The following NANOGNB variants were observed in gnomAD, a reference collection of about 807,000 sequenced individuals.
The protein encoded by NANOGNB is NANOG neighbor homeobox, also known as homeobox C14.
A neutral mutation model predicts 25.0 loss-of-function variants in NANOGNB; 30 were observed. That is an observed-to-expected ratio of 1.20 (90% confidence interval 0.90 to 1.63). NANOGNB has a LOEUF of 1.63. Ranked by LOEUF, NANOGNB falls within the 40% of genes most tolerant of loss-of-function variation. NANOGNB has a pLI of 0.00. For synonymous variants in NANOGNB, 84 were observed against 62.1 expected (o/e 1.35, Z -1.66); for missense variants, 200 against 188.1 (o/e 1.06, Z -0.37).
chr12:7,766,886 G>T (rs775652752), intron 1 of NANOGNB, among the ~76,000 whole-genome samples: 2 of 152,132 alleles, frequency 1.3e-5, no homozygotes, highest in Non-Finnish European at 2.9e-5. Flanking sequence ...TGTTGCCCAG[G>T]CTGGAGCACA....
At chr12:7,766,039 C>T (rs1443225564) in intron 1 of NANOGNB, 4 of 397,860 alleles carry the variant, frequency 1.0e-5, no homozygotes, top group Non-Finnish European at 1.3e-5. Context: ...AGAGGAGCAA[C>T]AAAGAAAGCT....
chr12:7,769,894 A>G, intron 1 of NANOGNB, 89 bp from the exon 2 acceptor site: 1 of 991,566 alleles, frequency 1.0e-6, no homozygotes, highest in Non-Finnish European at 1.5e-6. Context: ...GAAAAATCAA[A>G]TATATTCTCC....
intron 1 of NANOGNB, among the ~76,000 whole-genome samples, chr12:7,767,193 G>A (rs2120511225): frequency 6.6e-6 from 1 of 152,126 alleles, no homozygotes; most frequent in Admixed American, 6.6e-5. Flanking sequence ...ACTCTGAAGA[G>A]GAATGTGTGG....
chr12:7,769,024 T>G (rs779161995), intron 1 of NANOGNB, among the ~76,000 whole-genome samples: 24 of 152,106 alleles, frequency 1.6e-4, no homozygotes, highest in Non-Finnish European at 2.8e-4. Context: ...TCCAATCAGT[T>G]AAGGCTTTAA....
At chr12:7,771,492 T>A (rs903227503) in intron 3 of NANOGNB, among the ~76,000 whole-genome samples, 1 of 152,180 alleles carries the variant, frequency 6.6e-6, no homozygotes, top group Non-Finnish European at 1.5e-5. Flanking sequence ...GTGCTGGGAT[T>A]ACAGGCGTGA....
intron 3 of NANOGNB, among the ~76,000 whole-genome samples, chr12:7,773,546 C>CA (rs869038102): frequency 0.026 from 397 of 15,440 alleles, 75 homozygotes; most frequent in African/African-American, 0.075. Context: ...ACTAAAAATA[C>CA]AAAAAAAAAA....
At chr12:7,772,863 C>G (rs1466216109) in intron 3 of NANOGNB, among the ~76,000 whole-genome samples, 2 of 152,076 alleles carry the variant, frequency 1.3e-5, no homozygotes, top group East Asian at 3.9e-4. Context: ...CAGGCATGAG[C>G]CACTGCACCC....
Position 7,765,250 on chromosome 12 carries a change from C to G in NANOGNB, c.-36C>G, listed in dbSNP as rs1865234378. On this transcript the variant is annotated 5_prime_UTR_variant, in exon 1 of 4. Coordinates refer to ENST00000382119, the MANE Select transcript of NANOGNB (RefSeq NM_001145465.1). ...ATCTGGTCGGTCATCTCTGTAACCT[C>G]CCTACCAAGGACTAATTGGTCTTTA... 1 of 1,288,682 alleles carries G rather than the reference C, an allele frequency of 7.8e-7. No homozygotes were observed. The highest frequency in any genetic ancestry group is 1.2e-5 in the South Asian group (1 of 80,984). The allele number at this position is 1,288,682 out of a possible 1,614,324, so 79.8% of individuals were successfully genotyped here.
In NANOGNB at chr12:7,774,057, G is replaced by C. The variant is rs1862613955; in HGVS notation, c.*206G>C. On this transcript the variant is annotated 3_prime_UTR_variant, in exon 4 of 4. Transcript: ENST00000382119. Reference sequence around the variant, plus strand: ...TTATGTGTTTTATTTTTACCCTACTGTAGATTTAAAGTTTTTATAATGGAT... The same window carrying C: ...TTATGTGTTTTATTTTTACCCTACTCTAGATTTAAAGTTTTTATAATGGAT... 1 of 384,244 alleles carries C rather than the reference G, an allele frequency of 2.6e-6. No homozygotes were observed. Among genetic ancestry groups the C allele is most frequent in the Non-Finnish European group, 4.6e-6 (1 of 218,606 alleles). The allele number at this position is 384,244 out of a possible 1,614,324, so 23.8% of individuals were successfully genotyped here.
chr12:7,771,272 G>C (rs758592302), intron 3 of NANOGNB, among the ~76,000 whole-genome samples: 7 of 152,184 alleles, frequency 4.6e-5, no homozygotes, highest in Non-Finnish European at 7.3e-5. Context: ...CCAGGCTGGA[G>C]TGCAGTGGCG....
chr12:7,768,681 C>T (rs973838813), intron 1 of NANOGNB, among the ~76,000 whole-genome samples: 8 of 151,820 alleles, frequency 5.3e-5, no homozygotes, highest in Non-Finnish European at 1.0e-4. Context: ...TACAGGCACC[C>T]GCCGCCATGC....
rs149820722 is a variant in NANOGNB at position 7,765,335 on chromosome 12, C to T, written c.50C>T (p.Ala17Val). The T allele has an allele frequency of 2.0e-3, 1,593 of 794,706 alleles. 19 individuals carry two copies. In the African/African-American group the frequency reaches 0.026, roughly 13 times the overall value. The allele number at this position is 794,706 out of a possible 1,614,324, so 49.2% of individuals were successfully genotyped here. Residue 17 changes from alanine (A) to valine (V), a missense_variant, in exon 1 of 4, where the codon GCC becomes GTC. Ala to Val is a moderately conservative substitution (Grantham distance 64). Coordinates refer to ENST00000382119, the MANE Select transcript of NANOGNB (RefSeq NM_001145465.1). ...CCTGTAATCCCAGCACTTTGGGAGG[C>T]CGAGGCGGGCAGATCACGAGGTCAG... ...LTPVIPALWE[A>V]EAGRSRGQEI...
chr12:7,769,678 C>T (rs1865274770), intron 1 of NANOGNB, among the ~76,000 whole-genome samples: 1 of 152,076 alleles, frequency 6.6e-6, no homozygotes, highest in Non-Finnish European at 1.5e-5. Context: ...CGGGCACGTG[C>T]CACCATGCCC....
intron 1 of NANOGNB, among the ~76,000 whole-genome samples, chr12:7,768,731 A>T (rs551232953): frequency 6.6e-6 from 1 of 151,922 alleles, no homozygotes; most frequent in Admixed American, 6.6e-5. Flanking sequence ...ACCGGGTTTC[A>T]CTGTGTTAGC....
chr12:7,772,174 C>T (rs1592110931), intron 3 of NANOGNB, among the ~76,000 whole-genome samples: 3 of 152,338 alleles, frequency 2.0e-5, no homozygotes, highest in East Asian at 1.9e-4. Flanking sequence ...AGATCAGCTT[C>T]CTGGCAGCCA....
rs146112650 is a variant in NANOGNB, at chr12:7,771,796, T to C, written c.515+1278T>C. ...CCACTATGCCCAGCTAATTTTTGTA[T>C]TTTTAGTAAAGACCGGATTTCACCA... is the stretch of plus-strand genomic sequence containing the variant. On this transcript the variant is annotated intron_variant, in intron 3 of 3. Transcript: ENST00000382119. Among the ~76,000 whole-genome samples the C allele has an allele frequency of 5.6e-3, 848 of 152,032 alleles. 6 individuals carry two copies. Among genetic ancestry groups the C allele is most frequent in the African/African-American group, 0.019 (794 of 41,464 alleles).
chr12:7,773,355 C>T (rs1301971260), intron 3 of NANOGNB, among the ~76,000 whole-genome samples: 2 of 151,242 alleles, frequency 1.3e-5, no homozygotes, highest in African/African-American at 4.9e-5. Flanking sequence ...ATTACTTTGG[C>T]CTTCAATGAA....
At chr12:7,769,832 T>A in intron 1 of NANOGNB, 151 bp from the exon 2 acceptor site, 1 of 677,546 alleles carries the variant, frequency 1.5e-6, no homozygotes, top group Non-Finnish European at 2.4e-6. Context: ...AGCCTCAAGT[T>A]CACTTTTTCT....
intron 3 of NANOGNB, 117 bp downstream of exon 3, chr12:7,770,635 G>T (rs950918582): frequency 1.6e-6 from 1 of 619,296 alleles, no homozygotes; most frequent in Non-Finnish European, 2.7e-6. Flanking sequence ...TTTTTGAGAC[G>T]GAGTTTCGCT....
Sources: gnomAD v4.1 joint callset for allele counts (sites outside exome capture counted in the v4.1 genomes callset) on GRCh38, gnomAD v4.1.1 for gene constraint, MANE v1.5 for transcripts, NCBI Gene and HGNC (gene_info 2026-07-23, HGNC 2026-07-21) for gene names.